SHANK2: variants seen among roughly 807,000 people sequenced by gnomAD.
SHANK2 encodes SH3 and multiple ankyrin repeat domains protein 2.
SHANK2 carries 43 observed loss-of-function variants against 133.7 expected under a neutral mutation model. The observed-to-expected ratio is 0.32, with a 90% CI of 0.25 to 0.41. SHANK2 has a LOEUF of 0.41. Ranked by LOEUF, SHANK2 falls within the 10% of genes least tolerant of loss-of-function variation. The pLI is 1.00. For synonymous variants in SHANK2, 1,017 were observed against 952.8 expected (o/e 1.07, Z -1.24); for missense variants, 1,994 against 2,235.8 (o/e 0.89, Z 2.18).
intron 1 of SHANK2, chr11:71,241,055 G>A (rs572149556): frequency 1.1e-4 from 16 of 152,340 alleles, no homozygotes; most frequent in African/African-American, 3.6e-4. Context: ...GGGTGGGATT[G>A]TAACTTGGTA....
At chr11:70,866,878 C>T (rs959430552) in intron 11 of SHANK2, among the ~76,000 whole-genome samples, 2 of 152,044 alleles carry the variant, frequency 1.3e-5, no homozygotes, top group Non-Finnish European at 2.9e-5. Flanking sequence ...AGCTTCATGA[C>T]GGCCCTCGCT....
At chr11:70,891,035 G>A (rs1432500327) in intron 11 of SHANK2, among the ~76,000 whole-genome samples, 1 of 152,168 alleles carries the variant, frequency 6.6e-6, no homozygotes, top group African/African-American at 2.4e-5. Context: ...GAGAGTGCAG[G>A]CATCTTCAGG....
Position 70,522,497 on chromosome 11 carries a change from C to T in SHANK2, c.2062-19566G>A, listed in dbSNP as rs1210817944. ...TTCTCATTAATTCTTAGCTTGTCTC[C>T]AGCCATGGCTTATTCAAACCCCGAT... On this transcript the variant is annotated intron_variant, in intron 17 of 25. Transcript: ENST00000601538. Among the ~76,000 whole-genome samples, 3 of 152,242 alleles carry T rather than the reference C, an allele frequency of 2.0e-5. No individual in the cohort carries two copies. In the East Asian group the frequency reaches 5.8e-4, roughly 29 times the overall value.
intron 11 of SHANK2, among the ~76,000 whole-genome samples, chr11:70,845,215 A>AAG (rs1555062888): frequency 0.023 from 3,411 of 149,312 alleles, 133 homozygotes; most frequent in African/African-American, 0.081. Context: ...AAAAAAAAAA[A>AAG]AAAAGAAAAA....
chr11:70,559,865 C>CTTTATTTATTTA (rs10645600), intron 17 of SHANK2, among the ~76,000 whole-genome samples: 2 of 149,302 alleles, frequency 1.3e-5, no homozygotes, highest in East Asian at 2.0e-4. Context: ...TGGGGGGTTG[C>CTTTATTTATTTA]TTTATTTATT....
At chr11:70,872,667 T>C (rs1399978179) in intron 11 of SHANK2, among the ~76,000 whole-genome samples, 1 of 152,056 alleles carries the variant, frequency 6.6e-6, no homozygotes, top group Admixed American at 6.6e-5. Flanking sequence ...GATGGGTCCC[T>C]GGACCACATT....
At chr11:70,536,134 C>T (rs782353261) in intron 17 of SHANK2, among the ~76,000 whole-genome samples, 2 of 152,210 alleles carry the variant, frequency 1.3e-5, no homozygotes, top group African/African-American at 4.8e-5. Flanking sequence ...CTGAAGCCCA[C>T]CCAGGTCTGC....
At chr11:70,627,250 G>A (rs746591643) in intron 17 of SHANK2, among the ~76,000 whole-genome samples, 7 of 152,168 alleles carry the variant, frequency 4.6e-5, no homozygotes, top group Non-Finnish European at 8.8e-5. Context: ...GTGAGCCGGC[G>A]GCTGCAGGGA....
intron 17 of SHANK2, among the ~76,000 whole-genome samples, chr11:70,538,887 A>G (rs1043777656): frequency 8.5e-5 from 13 of 152,202 alleles, no homozygotes; most frequent in Non-Finnish European, 1.6e-4. Context: ...CAGCCTCACC[A>G]TCAACCACCC....
At chr11:71,070,628 T>C (rs1291492224) in intron 9 of SHANK2, among the ~76,000 whole-genome samples, 1 of 152,162 alleles carries the variant, frequency 6.6e-6, no homozygotes, top group African/African-American at 2.4e-5. Flanking sequence ...AGCCTTCCAT[T>C]CCAAGGCTTA....
chr11:70,774,619 G>A (rs1555043536), intron 14 of SHANK2, among the ~76,000 whole-genome samples: 2 of 152,098 alleles, frequency 1.3e-5, no homozygotes, highest in Admixed American at 1.3e-4. Context: ...CTGGTTGGGA[G>A]TGAATTCTAA....
chr11:70,873,233 C>G, intron 11 of SHANK2: 1 of 422,728 alleles, frequency 2.4e-6, no homozygotes. Context: ...CTTTCAAATG[C>G]ATTTGATACA....
intron 14 of SHANK2, among the ~76,000 whole-genome samples, chr11:70,755,643 G>A (rs552197213): frequency 5.3e-5 from 8 of 152,284 alleles, no homozygotes; most frequent in South Asian, 4.1e-4. Flanking sequence ...GGCCTTTCTC[G>A]TGCGGAAGGG....
chr11:70,723,317 C>G (rs973196277), intron 14 of SHANK2, among the ~76,000 whole-genome samples: 10 of 152,014 alleles, frequency 6.6e-5, no homozygotes, highest in African/African-American at 2.4e-4. Flanking sequence ...CTCTCTCTCT[C>G]TCTCTCTCTC....
intron 2 of SHANK2, among the ~76,000 whole-genome samples, chr11:71,168,458 G>A (rs1555111607): frequency 6.6e-6 from 1 of 152,010 alleles, no homozygotes; most frequent in Admixed American, 6.5e-5. Flanking sequence ...CGGCACCTTG[G>A]GAGGCCAAGG....
chr11:70,510,347 G>A (rs1262388776), intron 17 of SHANK2, among the ~76,000 whole-genome samples: 3 of 152,170 alleles, frequency 2.0e-5, no homozygotes, highest in East Asian at 1.9e-4. Flanking sequence ...AATGACTGCC[G>A]CAGCCCTGGG....
intron 21 of SHANK2, among the ~76,000 whole-genome samples, chr11:70,496,240 TTAAATGAGCCAA>T (rs2058969090): frequency 6.6e-6 from 1 of 152,172 alleles, no homozygotes; most frequent in Non-Finnish European, 1.5e-5. Context: ...GGATTACAAT[TTAAATGAGCCAA>T]ATCTTCAAGA....
chr11:71,223,912 G>T (rs1954598876), intron 2 of SHANK2, among the ~76,000 whole-genome samples: 1 of 151,936 alleles, frequency 6.6e-6, no homozygotes, highest in South Asian at 2.1e-4. Context: ...AGCTCAGAAG[G>T]ATTGAGAAAT....
At chr11:70,779,708 C>T (rs1348340630) in intron 14 of SHANK2, among the ~76,000 whole-genome samples, 2 of 152,184 alleles carry the variant, frequency 1.3e-5, no homozygotes, top group Non-Finnish European at 2.9e-5. Flanking sequence ...ATATCCTCCT[C>T]TGATCTTCAA....
Sources: allele counts gnomAD v4.1 joint callset (sites outside exome capture counted in the v4.1 genomes callset), GRCh38; gene constraint gnomAD v4.1.1; transcripts MANE v1.5; gene names NCBI Gene and HGNC (gene_info 2026-07-23, HGNC 2026-07-21).